Variants in DNAH7 observed in about 807,000 individuals in gnomAD.
The protein encoded by DNAH7 is axonemal beta dynein heavy chain 7.
In DNAH7, 397 loss-of-function variants were observed where a neutral mutation model predicts 444.6. The observed-to-expected ratio is 0.89, with a 90% CI of 0.82 to 0.97. DNAH7 has a LOEUF of 0.97. Among genes scored for constraint, DNAH7 ranks in the 50% least tolerant of loss-of-function variants. The pLI is 0.00. For missense variants in DNAH7, 4,902 were observed against 4,800.8 expected, an observed-to-expected ratio of 1.02 and a Z score of -0.62; for synonymous variants, 1,636 against 1,624.4, an observed-to-expected ratio of 1.01 and a Z score of -0.17.
In DNAH7 at chr2:196,001,837, A is replaced by T. The variant is rs1479351197; in HGVS notation, c.1011T>A (p.Asn337Lys). The T allele has an allele frequency of 6.2e-7, 1 of 1,607,768 alleles. No individual in the cohort carries two copies. Among genetic ancestry groups the T allele is most frequent in the Admixed American group, 1.7e-5 (1 of 58,482 alleles). Residue 337 changes from asparagine (N) to lysine (K), a missense_variant, in exon 11 of 65, where the codon AAT (asparagine) becomes AAA (lysine). Transcript: ENST00000312428. ...LLKMWFPEVQNIYYQGNKKKQ... is the reference protein window; with the variant it reads ...LLKMWFPEVQKIYYQGNKKKQ... ...TTTTTTTATTACCTTGGTAATAAAT[A>T]TTCTGCACTTCTGGAAACCACCTTG...
Position 195,901,366 on chromosome 2 carries a change from A to G in DNAH7, c.4336-872T>C, listed in dbSNP as rs559633965. 1.3e-4 allele frequency: 20 copies of G among 152,324 alleles called. No individual in the cohort carries two copies. In the East Asian group the frequency reaches 3.9e-3, roughly 29 times the overall value. 9.4% of individuals were successfully genotyped at this position (152,324 alleles called of 1,614,324 possible). ...TAAACAGACAAATTCCTGGCTTCTG[A>G]AAATATAAAATAAAATAAATTTTAA... On this transcript the variant is annotated intron_variant, in intron 27 of 64. Transcript: ENST00000312428.
At chr2:195,811,978 C>A (rs1696992337) in intron 51 of DNAH7, among the ~76,000 whole-genome samples, 1 of 152,114 alleles carries the variant, frequency 6.6e-6, no homozygotes, top group African/African-American at 2.4e-5. Flanking sequence ...TTGCAACTTC[C>A]CCAATCACTC....
chr2:195,746,287 A>T (rs1180700739), intron 63 of DNAH7, among the ~76,000 whole-genome samples: 1 of 152,166 alleles, frequency 6.6e-6, no homozygotes, highest in Non-Finnish European at 1.5e-5. Flanking sequence ...CAATTCAACA[A>T]GAAGAGCTAA....
chr2:195,867,493 A>G lies in DNAH7; in HGVS notation c.6634-2472T>C, dbSNP rs561250611. On this transcript the variant is annotated intron_variant, in intron 40 of 64. Coordinates refer to ENST00000312428, the MANE Select transcript of DNAH7 (RefSeq NM_018897.3). ...TCATTCTTTAAAAGAATACAGAATC[A>G]GAATATTCACAAAGTTGTGCAACCA... Among the ~76,000 whole-genome samples, 6 of 152,340 alleles carry G rather than the reference A, an allele frequency of 3.9e-5. No individual in the cohort carries two copies. In the South Asian group the frequency reaches 1.2e-3, roughly 32 times the overall value.
chr2:195,754,058 A>G (rs941965611), intron 63 of DNAH7, among the ~76,000 whole-genome samples: 1 of 152,294 alleles, frequency 6.6e-6, no homozygotes, highest in African/African-American at 2.4e-5. Flanking sequence ...AAATTTTGCA[A>G]AAAGTACAAA....
intron 15 of DNAH7, among the ~76,000 whole-genome samples, chr2:195,983,494 G>A (rs559677699): frequency 6.6e-6 from 1 of 152,174 alleles, no homozygotes; most frequent in Non-Finnish European, 1.5e-5. Flanking sequence ...GGGGTGCCAG[G>A]CTCTTTTTAA....
chr2:195,909,252 T>A (rs1281135721), intron 25 of DNAH7, among the ~76,000 whole-genome samples: 1 of 151,968 alleles, frequency 6.6e-6, no homozygotes, highest in Non-Finnish European at 1.5e-5. Context: ...AAATTGGAAA[T>A]AAAAATAAAA....
chr2:196,051,769 GA>G (rs1183350022), intron 2 of DNAH7, among the ~76,000 whole-genome samples: 7 of 150,302 alleles, frequency 4.7e-5, no homozygotes, highest in Admixed American at 1.3e-4. Context: ...TCTGTCTCAA[GA>G]AAAAAAAATA....
chr2:195,929,939 T>C (rs1428142971), intron 21 of DNAH7, among the ~76,000 whole-genome samples: 1 of 152,228 alleles, frequency 6.6e-6, no homozygotes, highest in Non-Finnish European at 1.5e-5. Context: ...ACAGACAACC[T>C]ATAGACTGTG....
At position 195,782,656 on chromosome 2, in the gene DNAH7, A is replaced by G. The variant is rs537497734; in HGVS notation, c.10878+4354T>C. ...GAAAGTTAGATGGAGTTCAGCATTTAAAAAGACATAACACTTTTGAAATTA... is the reference window on the plus strand; with the variant it reads ...GAAAGTTAGATGGAGTTCAGCATTTGAAAAGACATAACACTTTTGAAATTA... On this transcript the variant is annotated intron_variant, in intron 58 of 64. Coordinates refer to ENST00000312428, the MANE Select transcript of DNAH7 (RefSeq NM_018897.3). Among the ~76,000 whole-genome samples the G allele has an allele frequency of 1.1e-3, 173 of 152,334 alleles. 4 individuals carry two copies. In the South Asian group the frequency reaches 0.035, roughly 31 times the overall value.
intron 5 of DNAH7, among the ~76,000 whole-genome samples, chr2:196,039,137 C>T (rs1696571925): frequency 6.6e-6 from 1 of 152,100 alleles, no homozygotes; most frequent in South Asian, 2.1e-4. Context: ...GGCCACAAAA[C>T]AAGTCTCAGC....
At chr2:196,038,761 T>A (rs970294861) in intron 5 of DNAH7, among the ~76,000 whole-genome samples, 1 of 152,114 alleles carries the variant, frequency 6.6e-6, no homozygotes, top group East Asian at 1.9e-4. Context: ...AAATAGACTT[T>A]AAGTAAAAAA....
chr2:195,993,372 T>C (rs1329496983), intron 12 of DNAH7, among the ~76,000 whole-genome samples: 1 of 152,122 alleles, frequency 6.6e-6, no homozygotes, highest in Non-Finnish European at 1.5e-5. Flanking sequence ...AAGTAAGCAA[T>C]TAAATTGAAA....
Position 195,827,285 on chromosome 2 carries a change from AATTT to A in DNAH7, c.9101-2844_9101-2841del, listed in dbSNP as rs771821353. Among the ~76,000 whole-genome samples, 20 of 152,030 alleles carry A rather than the reference AATTT, an allele frequency of 1.3e-4. No homozygotes were observed. In the South Asian group the frequency reaches 1.5e-3, roughly 11 times the overall value. On this transcript the variant is annotated intron_variant, in intron 48 of 64. Coordinates refer to ENST00000312428, the MANE Select transcript of DNAH7 (RefSeq NM_018897.3). ...TCAACTTGTTCTTATTTAATTAATT[AATTT>A]ATTTGAGATGGGGTCTCACTCTGTT... is the stretch of plus-strand genomic sequence containing the variant.
chr2:195,921,352 T>TACACACACACACACACAC (rs140152411), intron 24 of DNAH7, among the ~76,000 whole-genome samples: 3 of 140,380 alleles, frequency 2.1e-5, no homozygotes, highest in African/African-American at 5.2e-5. Context: ...AAATGTGGTG[T>TACACACACACACACACAC]ACACACACAC....
intron 1 of DNAH7, 143 bp downstream of exon 1, chr2:196,068,554 C>T: frequency 8.9e-7 from 1 of 1,118,726 alleles, no homozygotes; most frequent in Non-Finnish European, 1.3e-6. Flanking sequence ...CTCAGTAACC[C>T]AGGCCACAAG....
At chr2:195,896,556 C>T (rs767857047) in intron 29 of DNAH7, among the ~76,000 whole-genome samples, 34 of 152,032 alleles carry the variant, frequency 2.2e-4, no homozygotes, top group Admixed American at 5.9e-4. Flanking sequence ...AAAATGGCAG[C>T]GTAGAAGCAA....
rs1692740590 is a variant in DNAH7, at chr2:195,737,958, C to G, written c.12038G>C (p.Gly4013Ala). 6.2e-7 allele frequency: 1 copy of G among 1,613,946 alleles called. No homozygotes were observed. Among genetic ancestry groups the G allele is most frequent in the Non-Finnish European group, 8.5e-7 (1 of 1,179,938 alleles). ...TTGACATAACAGTGCTACACCTCGT[C>G]CAATCCAGTGTTCCTTGGGTTGGTC... ...PSDQPKEHWI[G>A]RGVALLCQLN... Residue 4013 changes from glycine to alanine, a missense_variant, in exon 65 of 65, where the codon GGA becomes GCA. Physicochemically the swap from Gly to Ala is moderately conservative, Grantham distance 60 (BLOSUM62 0). Coordinates refer to ENST00000312428, the MANE Select transcript of DNAH7 (RefSeq NM_018897.3).
At chr2:196,044,816 C>T (rs962880410) in intron 5 of DNAH7, among the ~76,000 whole-genome samples, 3 of 152,034 alleles carry the variant, frequency 2.0e-5, no homozygotes, top group African/African-American at 7.2e-5. Flanking sequence ...ACCTATAATC[C>T]CAGCACTCTG....
Sources: gnomAD v4.1 joint callset for allele counts (sites outside exome capture counted in the v4.1 genomes callset) on GRCh38, gnomAD v4.1.1 for gene constraint, MANE v1.5 for transcripts, NCBI Gene and HGNC (gene_info 2026-07-23, HGNC 2026-07-21) for gene names.